The following ZNF568 variants were observed in gnomAD, a reference collection of about 807,000 sequenced individuals.
ZNF568 encodes the protein p53 inhibitor of SCO2 activation.
ZNF568 carries 11 observed loss-of-function variants against 18.1 expected under a neutral mutation model. The ratio of observed to expected loss-of-function variants is 0.61; its 90% CI spans 0.38 to 1.00. ZNF568 has a LOEUF of 1.00. Among genes scored for constraint, ZNF568 ranks in the 50% least tolerant of loss-of-function variants. ZNF568 has a pLI of 0.01. For synonymous variants in ZNF568, 213 were observed against 246.6 expected, an observed-to-expected ratio of 0.86 and a Z score of 1.28; for missense variants, 639 against 768.2, an observed-to-expected ratio of 0.83 and a Z score of 1.99.
chr19:36,963,958 T>A (rs981877805), intron 6 of ZNF568, among the ~76,000 whole-genome samples: 1 of 113,854 alleles, frequency 8.8e-6, no homozygotes, highest in Admixed American at 1.4e-4. Flanking sequence ...AAAGCGAGAC[T>A]CAGTCAAAAA....
At chr19:36,944,619 C>T (rs540451) in intron 6 of ZNF568, among the ~76,000 whole-genome samples, 55,371 of 151,766 alleles carry the variant, frequency 0.36, 10,401 homozygotes, top group African/African-American at 0.42. Flanking sequence ...TGTTGGGGGA[C>T]GTTTAGCAGC....
chr19:36,926,148 G>C (rs376534472), intron 4 of ZNF568, among the ~76,000 whole-genome samples: 1 of 151,076 alleles, frequency 6.6e-6, no homozygotes, highest in Non-Finnish European at 1.5e-5. Context: ...GAATCTTATA[G>C]TTCTGATATC....
downstream of ZNF568, among the ~76,000 whole-genome samples, chr19:36,956,307 A>G (rs1321130681): frequency 6.6e-6 from 1 of 152,174 alleles, no homozygotes; most frequent in Non-Finnish European, 1.5e-5. Context: ...TGCCTTATGC[A>G]AGGTTACACT....
Position 36,974,580 on chromosome 19 carries a change from G to C in ZNF568, c.405+114G>C, listed in dbSNP as rs546101459. The C allele has an allele frequency of 2.7e-6, 3 of 1,104,986 alleles. No individual in the cohort carries two copies. In the South Asian group the frequency reaches 4.2e-5, roughly 15 times the overall value. 68.4% of individuals were successfully genotyped at this position (1,104,986 alleles called of 1,614,324 possible). ...TCATGATTTGGACAAAGGGGAAGAG[G>C]GGAGGAAACTGCATTTATGTAGCAT... On this transcript the variant is annotated intron_variant, in intron 7 of 7. Coordinates refer to the ZNF568 transcript ENST00000427117.
chr19:36,991,013 A>T (rs914343719), intron 2 of ZNF568: 2 of 677,090 alleles, frequency 3.0e-6, no homozygotes, highest in African/African-American at 3.6e-5. Flanking sequence ...CTTCACTCTG[A>T]TCACCCCTGT....
chr19:36,950,505 G>A lies in ZNF568; in HGVS notation c.1352G>A (p.Cys451Tyr), dbSNP rs1333012070. 8 of 1,613,882 alleles carry A rather than the reference G, an allele frequency of 5.0e-6. No homozygotes were observed. The highest frequency in any genetic ancestry group is 1.7e-5 in the Admixed American group (1 of 59,998). Residue 451 changes from cysteine to tyrosine, a missense_variant, in exon 7 of 7, where the codon TGT becomes TAT. Transcript: ENST00000333987. ...GAGAAACCCTATGAATGTAAGGAATGTGGAAAAGCCTTCAGCAGGAAAGAA... is the reference window on the plus strand; with the variant it reads ...GAGAAACCCTATGAATGTAAGGAATATGGAAAAGCCTTCAGCAGGAAAGAA... Reference protein sequence around the residue: ...TAEKPYECKECGKAFSRKENL... With the variant: ...TAEKPYECKEYGKAFSRKENL...
chr19:36,975,264 C>G (rs7256001), intron 7 of ZNF568, among the ~76,000 whole-genome samples: 53,101 of 149,876 alleles, frequency 0.35, 9,532 homozygotes, highest in African/African-American at 0.41. Context: ...TCTACTGCCT[C>G]AGCCTCCTGA....
intron 2 of ZNF568, among the ~76,000 whole-genome samples, chr19:36,989,276 A>G (rs56248021): frequency 1.3e-5 from 2 of 152,100 alleles, no homozygotes; most frequent in South Asian, 2.1e-4. Context: ...TCTGCCTCCC[A>G]GGTTCAAGCG....
intron 7 of ZNF568, chr19:36,974,574 G>A: frequency 8.6e-7 from 1 of 1,166,582 alleles, no homozygotes; most frequent in Non-Finnish European, 1.2e-6. Context: ...GGACAAAGGG[G>A]AAGAGGGGAG....
chr19:36,981,459 T>C (rs146881907), downstream of ZNF568, among the ~76,000 whole-genome samples: 917 of 152,348 alleles, frequency 6.0e-3, 10 homozygotes, highest in Non-Finnish European at 8.2e-3. Flanking sequence ...TAAATAACTC[T>C]GCTTACTTGA....
intron 6 of ZNF568, among the ~76,000 whole-genome samples, chr19:36,937,508 A>C (rs1224597714): frequency 6.6e-6 from 1 of 152,018 alleles, no homozygotes; most frequent in South Asian, 2.1e-4. Flanking sequence ...TCACAGCTTC[A>C]CTTTCAGGAT....
At chr19:36,981,396 G>A (rs914458945), downstream of ZNF568, among the ~76,000 whole-genome samples, 1 of 152,076 alleles carries the variant, frequency 6.6e-6, no homozygotes, top group Admixed American at 6.6e-5. Context: ...TTAAACCTTC[G>A]ATCAATTTGG....
chr19:36,966,821 C>A (rs549493735), intron 6 of ZNF568, among the ~76,000 whole-genome samples: 1 of 152,372 alleles, frequency 6.6e-6, no homozygotes, highest in East Asian at 1.9e-4. Context: ...AGCATGCAGT[C>A]TCTTGGAGAT....
At chr19:36,945,843 C>G (rs1383854378) in intron 6 of ZNF568, among the ~76,000 whole-genome samples, 7 of 151,792 alleles carry the variant, frequency 4.6e-5, no homozygotes, top group Non-Finnish European at 1.0e-4. Flanking sequence ...CCTGTAATCC[C>G]AGCACTTTGG....
At position 36,948,658 on chromosome 19, in the gene ZNF568, A is replaced by ATTTTTTTTTTTT. The variant is rs4069585; in HGVS notation, c.359-840_359-829dup. Among the ~76,000 whole-genome samples the ATTTTTTTTTTTT allele has an allele frequency of 1.2e-3, 104 of 83,546 alleles. 6 individuals are homozygous for ATTTTTTTTTTTT. The highest frequency in any genetic ancestry group is 4.5e-3 in the African/African-American group (95 of 20,990). 54.8% of individuals were successfully genotyped at this position (83,546 alleles called of 152,430 possible). On this transcript the variant is annotated intron_variant, in intron 6 of 6. Transcript: ENST00000333987. ...TTGCAGCAGGGGTTTTTTGTTGTTGATTTTTTTTTTTTTTTTTTTTTTTTT... is the reference window on the plus strand; with the variant it reads ...TTGCAGCAGGGGTTTTTTGTTGTTGATTTTTTTTTTTTTTTTTTTTTTTTTTTTTTTTTTTTT...
rs936668430 is a variant in ZNF568, at chr19:36,951,617, C to T, written c.*529C>T. 2.7e-5 allele frequency: 4 copies of T among 150,550 alleles called. No homozygotes were observed. Among genetic ancestry groups the T allele is most frequent in the Non-Finnish European group, 5.9e-5 (4 of 67,862 alleles). 9.3% of individuals were successfully genotyped at this position (150,550 alleles called of 1,614,324 possible). The stretch of plus-strand genomic sequence containing the variant: ...AAATTGCTGGGAATATTTGACTCTC[C>T]GTATTGGAGAAAATAAAATTACAAC... On this transcript the variant is annotated 3_prime_UTR_variant, in exon 7 of 7. Transcript: ENST00000333987.
At chr19:36,941,523 T>G (rs1341268390) in intron 6 of ZNF568, among the ~76,000 whole-genome samples, 1 of 152,238 alleles carries the variant, frequency 6.6e-6, no homozygotes, top group Non-Finnish European at 1.5e-5. Context: ...GATGGAAAGT[T>G]GGAGCTCTCT....
At chr19:36,942,188 G>T (rs1043947922) in intron 6 of ZNF568, among the ~76,000 whole-genome samples, 2 of 151,598 alleles carry the variant, frequency 1.3e-5, no homozygotes, top group South Asian at 4.2e-4. Flanking sequence ...CACCATGTTA[G>T]TCAGGCTAGT....
chr19:36,958,979 T>G (rs978460428), intron 6 of ZNF568, among the ~76,000 whole-genome samples: 4 of 152,216 alleles, frequency 2.6e-5, no homozygotes, highest in Non-Finnish European at 5.9e-5. Flanking sequence ...AAAGGCACAA[T>G]TTGACTTCCT....
Sources: gnomAD v4.1 joint callset for allele counts (sites outside exome capture counted in the v4.1 genomes callset) on GRCh38, gnomAD v4.1.1 for gene constraint, MANE v1.5 for transcripts, NCBI Gene and HGNC (gene_info 2026-07-23, HGNC 2026-07-21) for gene names.